CACNA1A: variants seen among roughly 807,000 people sequenced by gnomAD.
The protein encoded by CACNA1A is voltage-dependent P/Q-type calcium channel subunit alpha-1A.
In CACNA1A, 57 loss-of-function variants were observed where a neutral mutation model predicts 262.4. The observed-to-expected ratio is 0.22, with a 90% CI of 0.18 to 0.27. The LOEUF (loss-of-function observed/expected upper bound fraction) is 0.27, where lower values mean the gene tolerates loss of function less well. CACNA1A is among the 10% of genes least tolerant of loss of function. CACNA1A has a pLI of 1.00. For synonymous variants in CACNA1A, 1,431 were observed against 1,419.3 expected (o/e 1.01, Z -0.18); for missense variants, 2,526 against 3,562.8 (o/e 0.71, Z 7.41).
chr19:13,486,248 G>A (rs994872512), intron 1 of CACNA1A, among the ~76,000 whole-genome samples: 3 of 152,218 alleles, frequency 2.0e-5, no homozygotes, highest in Admixed American at 6.5e-5. Context: ...GGATGAGCAT[G>A]AGGGAGAATC....
intron 24 of CACNA1A, among the ~76,000 whole-genome samples, chr19:13,271,054 A>T (rs2057004481): frequency 6.6e-6 from 1 of 152,198 alleles, no homozygotes; most frequent in South Asian, 2.1e-4. Context: ...TTATGCCTGT[A>T]CCAATTTCAT....
chr19:13,276,109 G>A (rs940102290), intron 23 of CACNA1A, among the ~76,000 whole-genome samples, 153 bp from the exon 24 acceptor site: 6 of 152,308 alleles, frequency 3.9e-5, no homozygotes, highest in African/African-American at 1.4e-4. Context: ...ACTCCAGGGA[G>A]GAGTGGGGAG....
intron 3 of CACNA1A, among the ~76,000 whole-genome samples, chr19:13,378,917 C>T (rs1307327416): frequency 6.6e-6 from 1 of 151,534 alleles, no homozygotes; most frequent in African/African-American, 2.4e-5. Context: ...GATCCACCCA[C>T]CTTGGCCTCA....
In CACNA1A at chr19:13,267,129, TGA is replaced by T. The variant is rs146993344; in HGVS notation, c.3990-4298_3990-4297del. Among the ~76,000 whole-genome samples the T allele has an allele frequency of 2.1e-3, 310 of 149,152 alleles. 2 individuals are homozygous for T. Among genetic ancestry groups the T allele is most frequent in the African/African-American group, 6.5e-3 (263 of 40,730 alleles). On this transcript the variant is annotated intron_variant, in intron 24 of 46. Transcript: ENST00000360228. Reference sequence around the variant, plus strand: ...GGGACAGATCACGAGAGACAGAATATGAGAGAGAGAGAGAGAGAAAGAGAGAG... The same window carrying T: ...GGGACAGATCACGAGAGACAGAATATGAGAGAGAGAGAGAGAAAGAGAGAG...
chr19:13,238,528 T>A (rs2055955912), intron 31 of CACNA1A, among the ~76,000 whole-genome samples: 1 of 151,646 alleles, frequency 6.6e-6, no homozygotes, highest in South Asian at 2.1e-4. Context: ...AAACTTGCTA[T>A]GCCCACACCT....
At chr19:13,491,505 A>G (rs1449433741) in intron 1 of CACNA1A, among the ~76,000 whole-genome samples, 2 of 152,130 alleles carry the variant, frequency 1.3e-5, no homozygotes, top group East Asian at 3.9e-4. Flanking sequence ...AGGAGCCAAG[A>G]AAAGGGCCTT....
rs1028046362 is a variant in CACNA1A at position 13,376,773 on chromosome 19, A to T, written c.540-4994T>A. Among the ~76,000 whole-genome samples the T allele has an allele frequency of 3.8e-5, 5 of 132,558 alleles. 1 individual carries two copies. The highest frequency in any genetic ancestry group is 1.6e-4 in the African/African-American group (5 of 31,898). 87.0% of individuals were successfully genotyped at this position (132,558 alleles called of 152,430 possible). A position where few individuals can be genotyped will look rare whatever the true frequency, so the allele number is the denominator to read the frequency against. ...CAATATGTTATATGTGACATATATA[A>T]CACATAATATATGTGACATATATAC... On this transcript the variant is annotated intron_variant, in intron 3 of 46. Coordinates refer to ENST00000360228, the MANE Select transcript of CACNA1A (RefSeq NM_001127222.2).
chr19:13,347,211 A>C (rs1400586189), intron 6 of CACNA1A, among the ~76,000 whole-genome samples: 1 of 151,186 alleles, frequency 6.6e-6, no homozygotes, highest in Non-Finnish European at 1.5e-5. Context: ...GGCATGCTCC[A>C]CCATGTCCAG....
intron 11 of CACNA1A, among the ~76,000 whole-genome samples, chr19:13,314,904 T>C (rs2058095705): frequency 6.6e-6 from 1 of 152,150 alleles, no homozygotes; most frequent in African/African-American, 2.4e-5. Context: ...GGAAGTCTGT[T>C]TGTAACATCT....
At chr19:13,403,400 A>G (rs995450532) in intron 3 of CACNA1A, among the ~76,000 whole-genome samples, 1 of 152,168 alleles carries the variant, frequency 6.6e-6, no homozygotes, top group Middle Eastern at 3.2e-3. Flanking sequence ...ACAGGTTCAG[A>G]GAGAGCACTC....
intron 3 of CACNA1A, among the ~76,000 whole-genome samples, chr19:13,445,885 G>T (rs1414957887): frequency 1.3e-5 from 2 of 152,186 alleles, no homozygotes; most frequent in African/African-American, 4.8e-5. Flanking sequence ...CTTCACCCAA[G>T]AAGAAGGTAA....
At chr19:13,386,143 C>T (rs1474414563) in intron 3 of CACNA1A, among the ~76,000 whole-genome samples, 1 of 147,206 alleles carries the variant, frequency 6.8e-6, no homozygotes, top group Non-Finnish European at 1.5e-5. Context: ...AGAGTGAGAC[C>T]TTGTCTCTTA....
At chr19:13,210,755 C>T (rs1038893456) in intron 43 of CACNA1A, 103 bp from the exon 44 acceptor site, 11 of 1,185,700 alleles carry the variant, frequency 9.3e-6, no homozygotes, top group Middle Eastern at 2.4e-4. Context: ...GGAGAAGAAG[C>T]CAAGGAGGGG....
At chr19:13,474,209 G>A (rs939331216) in intron 1 of CACNA1A, among the ~76,000 whole-genome samples, 2 of 152,158 alleles carry the variant, frequency 1.3e-5, no homozygotes, top group Admixed American at 6.6e-5. Flanking sequence ...TCTCCTGCTC[G>A]GGTCTTCACT....
At chr19:13,261,643 G>A in intron 25 of CACNA1A, 33 bp from the exon 26 acceptor site, 1 of 1,595,030 alleles carries the variant, frequency 6.3e-7, no homozygotes, top group Non-Finnish European at 8.5e-7. Flanking sequence ...AGCATGAGGG[G>A]CTGGGGACCT....
At chr19:13,456,109 C>G (rs1015306107) in intron 1 of CACNA1A, among the ~76,000 whole-genome samples, 1 of 151,664 alleles carries the variant, frequency 6.6e-6, no homozygotes, top group Non-Finnish European at 1.5e-5. Flanking sequence ...GAGATCATGC[C>G]ACTGCACTCT....
intron 6 of CACNA1A, among the ~76,000 whole-genome samples, chr19:13,346,461 A>T (rs1262680867): frequency 6.6e-6 from 1 of 151,482 alleles, no homozygotes; most frequent in Non-Finnish European, 1.5e-5. Flanking sequence ...TCAGCCTCCC[A>T]AAGTGCTGGG....
intron 6 of CACNA1A, among the ~76,000 whole-genome samples, chr19:13,336,600 A>AGAGG (rs750476134): frequency 0.032 from 3,489 of 110,458 alleles, 50 homozygotes; most frequent in Non-Finnish European, 0.042. Context: ...AGAGGGAGAG[A>AGAGG]GAGAGAGAGA....
At chr19:13,360,931 T>C (rs1272136281) in intron 5 of CACNA1A, among the ~76,000 whole-genome samples, 1 of 152,176 alleles carries the variant, frequency 6.6e-6, no homozygotes, top group Non-Finnish European at 1.5e-5. Context: ...TGTATTTGTA[T>C]TTTTTTCAGC....
Sources: allele counts gnomAD v4.1 joint callset (sites outside exome capture counted in the v4.1 genomes callset), GRCh38; gene constraint gnomAD v4.1.1; transcripts MANE v1.5; gene names NCBI Gene and HGNC (gene_info 2026-07-23, HGNC 2026-07-21).